NRG1: variants seen among roughly 807,000 people sequenced by gnomAD.
NRG1 encodes the protein neuregulin 1, also known as pro-neuregulin-1, membrane-bound isoform.
NRG1 carries 18 observed loss-of-function variants against 63.8 expected under a neutral mutation model. The observed-to-expected ratio is 0.28, with a 90% CI of 0.19 to 0.42. NRG1 has a LOEUF of 0.42. Among genes scored for constraint, NRG1 ranks in the 10% least tolerant of loss-of-function variants. The pLI, the probability that NRG1 is intolerant of heterozygous loss-of-function variation, is 1.00. For synonymous variants in NRG1, 302 were observed against 301.3 expected (o/e 1.00, Z -0.02); for missense variants, 762 against 814.7 (o/e 0.94, Z 0.79).
chr8:31,707,955 A>G (rs1339045500), intron 1 of NRG1, among the ~76,000 whole-genome samples: 1 of 151,972 alleles, frequency 6.6e-6, no homozygotes, highest in Non-Finnish European at 1.5e-5. Context: ...TCAGCTTTAA[A>G]TTTTATCAGT....
chr8:32,422,472 A>G (rs1203751055), intron 1 of NRG1, among the ~76,000 whole-genome samples: 2 of 152,178 alleles, frequency 1.3e-5, no homozygotes, highest in Non-Finnish European at 2.9e-5. Context: ...AACACAGAGT[A>G]TTTACAACAT....
Position 32,093,196 on chromosome 8 carries a change from A to G in NRG1, c.37+453765A>G, listed in dbSNP as rs545267852. ...ACCCTAGCCCCAACCGTGTGCTCGC[A>G]GAGACATGTGCTGTGTTGACTCAAA... On this transcript the variant is annotated intron_variant, in intron 1 of 10. Transcript: ENST00000519301. Among the ~76,000 whole-genome samples the G allele has an allele frequency of 1.6e-3, 247 of 152,320 alleles. 3 individuals carry two copies. Among genetic ancestry groups the G allele is most frequent in the Admixed American group, 3.2e-3 (49 of 15,300 alleles).
At position 32,086,791 on chromosome 8, in the gene NRG1, A is replaced by G. The variant is rs141337833; in HGVS notation, c.37+447360A>G. On this transcript the variant is annotated intron_variant, in intron 1 of 10. Coordinates refer to the NRG1 transcript ENST00000519301. ...TAGTCAAACTAACTTGATGAAATCA[A>G]GATAGCCTATGAGGAAGAATAAGCT... Among the ~76,000 whole-genome samples, 267 of 152,346 alleles carry G rather than the reference A, an allele frequency of 1.8e-3. 3 individuals are homozygous for G. Among genetic ancestry groups the G allele is most frequent in the Middle Eastern group, 6.8e-3 (2 of 294 alleles).
intron 1 of NRG1, among the ~76,000 whole-genome samples, chr8:32,238,090 G>C (rs966765963): frequency 2.6e-5 from 4 of 152,132 alleles, no homozygotes; most frequent in Admixed American, 2.6e-4. Context: ...TTGCTCCAAG[G>C]GCTATCTGAT....
intron 1 of NRG1, among the ~76,000 whole-genome samples, chr8:31,829,391 C>T (rs900642833): frequency 1.3e-5 from 2 of 152,168 alleles, no homozygotes; most frequent in African/African-American, 4.8e-5. Context: ...AGTTATTTTG[C>T]ACCTACCATG....
chr8:31,856,871 C>T (rs1165142613), intron 1 of NRG1, among the ~76,000 whole-genome samples: 5 of 152,154 alleles, frequency 3.3e-5, no homozygotes, highest in East Asian at 1.9e-4. Context: ...AGTACCCGGC[C>T]GTGTGAGGTG....
chr8:31,867,214 T>C (rs1205013850), intron 1 of NRG1, among the ~76,000 whole-genome samples: 1 of 152,190 alleles, frequency 6.6e-6, no homozygotes. Context: ...ATTGCTTCCT[T>C]TCTGAATGTG....
At chr8:31,644,095 G>A (rs1465554506) in intron 1 of NRG1, among the ~76,000 whole-genome samples, 2 of 152,114 alleles carry the variant, frequency 1.3e-5, no homozygotes, top group African/African-American at 4.8e-5. Flanking sequence ...TTTTGAAAAT[G>A]AAAGAAAATG....
intron 1 of NRG1, among the ~76,000 whole-genome samples, chr8:31,678,022 A>G (rs1231698741): frequency 1.4e-5 from 2 of 144,964 alleles, no homozygotes; most frequent in Non-Finnish European, 3.1e-5. Context: ...GCTTTCTGCC[A>G]ATGATAAATT....
intron 1 of NRG1, among the ~76,000 whole-genome samples, chr8:32,289,408 G>A (rs1238507542): frequency 6.6e-6 from 1 of 151,450 alleles, no homozygotes; most frequent in Non-Finnish European, 1.5e-5. Context: ...TTATTGTCAA[G>A]GACAAATGAG....
chr8:32,379,704 GTTGAGGGAAAT>G (rs1810100676), intron 1 of NRG1, among the ~76,000 whole-genome samples: 1 of 152,158 alleles, frequency 6.6e-6, no homozygotes, highest in African/African-American at 2.4e-5. Flanking sequence ...AATCCTATCA[GTTGAGGGAAAT>G]TCAGGTTATG....
chr8:32,239,284 A>C (rs902783760), intron 1 of NRG1, among the ~76,000 whole-genome samples: 6 of 152,034 alleles, frequency 3.9e-5, no homozygotes, highest in Non-Finnish European at 8.8e-5. Flanking sequence ...CTTTAAAAAA[A>C]AAAAAGTGAT....
chr8:31,874,845 C>T (rs1829781042), intron 1 of NRG1, among the ~76,000 whole-genome samples: 1 of 151,466 alleles, frequency 6.6e-6, no homozygotes, highest in East Asian at 1.9e-4. Context: ...ATGTGACTCA[C>T]TGGGGAATAA....
chr8:32,735,253 AT>A lies in NRG1; in HGVS notation c.632+7182del, dbSNP rs540117592. On this transcript the variant is annotated intron_variant, in intron 6 of 11. Coordinates refer to ENST00000356819, the Ensembl canonical transcript of NRG1. ...ATAAGTTGGCTATTGTGAATAGTAG[AT>A]TTTTTTATAACTTGGCTATTGTGAA... Among the ~76,000 whole-genome samples the A allele has an allele frequency of 7.9e-5, 12 of 152,246 alleles. No homozygotes were observed. The South Asian group carries it at 1.2e-3, about 16-fold the overall frequency.
intron 1 of NRG1, among the ~76,000 whole-genome samples, chr8:32,366,705 ATAT>A (rs1348850616): frequency 1.7e-4 from 12 of 72,692 alleles, no homozygotes; most frequent in African/African-American, 5.4e-4. Flanking sequence ...ATATATATAT[ATAT>A]ATATATCTCA....
intron 1 of NRG1, among the ~76,000 whole-genome samples, chr8:31,653,040 C>T (rs369002566): frequency 7.5e-6 from 1 of 133,896 alleles, no homozygotes; most frequent in Non-Finnish European, 1.6e-5. Flanking sequence ...CTCCCCTCCC[C>T]TCCTCTCCTC....
At chr8:32,634,513 G>A (rs1182953366) in intron 5 of NRG1, among the ~76,000 whole-genome samples, 1 of 152,136 alleles carries the variant, frequency 6.6e-6, no homozygotes, top group Non-Finnish European at 1.5e-5. Flanking sequence ...CCAGACTTAA[G>A]ACACATAGCA....
rs551652899 is a variant in NRG1 at position 32,331,621 on chromosome 8, A to G, written c.38-264207A>G. On this transcript the variant is annotated intron_variant, in intron 1 of 10. Transcript: ENST00000519301. The stretch of plus-strand genomic sequence containing the variant: ...ACAAAGAGAAGGTTATCTTTTATCT[A>G]TATTCAAAATCATATGCCCTGGGGA... 2.0e-5 allele frequency among the ~76,000 whole-genome samples: 3 copies of G among 152,294 alleles called. No individual in the cohort carries two copies. The South Asian group carries it at 6.2e-4, about 32-fold the overall frequency.
chr8:32,327,961 T>C (rs1802204365), intron 1 of NRG1, among the ~76,000 whole-genome samples: 1 of 152,224 alleles, frequency 6.6e-6, no homozygotes, highest in Admixed American at 6.5e-5. Context: ...GAAAGTAATA[T>C]GATATCTGGG....
Sources: gnomAD v4.1 joint callset for allele counts (sites outside exome capture counted in the v4.1 genomes callset) on GRCh38, gnomAD v4.1.1 for gene constraint, MANE v1.5 for transcripts, NCBI Gene and HGNC (gene_info 2026-07-23, HGNC 2026-07-21) for gene names.